Variants in ARHGAP24 observed in about 807,000 individuals in gnomAD.
ARHGAP24 encodes rho GTPase-activating protein 24.
Under a neutral mutation model 76.4 loss-of-function variants are expected in ARHGAP24, and 50 were observed. That is an observed-to-expected ratio of 0.65 (90% CI 0.52 to 0.83). The LOEUF is 0.83. Ranked by LOEUF, ARHGAP24 falls within the 40% of genes least tolerant of loss-of-function variation. The pLI is 0.00. For missense variants in ARHGAP24, 930 were observed against 914.2 expected (o/e 1.02, Z -0.22); for synonymous variants, 345 against 323.3 (o/e 1.07, Z -0.72).
intron 1 of ARHGAP24, among the ~76,000 whole-genome samples, chr4:85,499,973 A>C (rs1309105687): frequency 6.6e-6 from 1 of 152,220 alleles, no homozygotes; most frequent in East Asian, 1.9e-4. Flanking sequence ...TGTAAATTTT[A>C]TGAAGCCTAA....
chr4:85,948,081 T>C (rs768999408), intron 5 of ARHGAP24, among the ~76,000 whole-genome samples: 5 of 152,176 alleles, frequency 3.3e-5, no homozygotes, highest in Non-Finnish European at 7.4e-5. Flanking sequence ...AGGAGCTACA[T>C]CTCTTATTCT....
intron 4 of ARHGAP24, among the ~76,000 whole-genome samples, chr4:85,939,749 T>C (rs1317180557): frequency 6.6e-6 from 1 of 152,200 alleles, no homozygotes; most frequent in Non-Finnish European, 1.5e-5. Context: ...TTTGACTGTT[T>C]TTCATTACCG....
Position 85,538,314 on chromosome 4 carries a change from T to C in ARHGAP24, c.-20-32208T>C, listed in dbSNP as rs574971342. Among the ~76,000 whole-genome samples, 6 of 152,334 alleles carry C rather than the reference T, an allele frequency of 3.9e-5. No individual in the cohort carries two copies. The South Asian group carries it at 1.2e-3, about 32-fold the overall frequency. Reference sequence around the variant, plus strand: ...AAAAGACTCTTAAATGAGCAATGTATTTTGAGTACACCGTAGTTATATGTT... The same window carrying C: ...AAAAGACTCTTAAATGAGCAATGTACTTTGAGTACACCGTAGTTATATGTT... On this transcript the variant is annotated intron_variant, in intron 1 of 9. Transcript: ENST00000395184.
At chr4:85,605,654 G>T (rs1720168614) in intron 2 of ARHGAP24, among the ~76,000 whole-genome samples, 1 of 152,124 alleles carries the variant, frequency 6.6e-6, no homozygotes, top group Non-Finnish European at 1.5e-5. Flanking sequence ...TATACATTAT[G>T]TACAGTAAAC....
chr4:85,996,338 A>G (rs905111944), intron 9 of ARHGAP24, among the ~76,000 whole-genome samples: 1 of 152,222 alleles, frequency 6.6e-6, no homozygotes, highest in African/African-American at 2.4e-5. Context: ...AGGAAAAAAG[A>G]ATATGATTTA....
chr4:85,978,087 A>T (rs1408545509), intron 8 of ARHGAP24, among the ~76,000 whole-genome samples: 1 of 152,240 alleles, frequency 6.6e-6, no homozygotes, highest in African/African-American at 2.4e-5. Context: ...TTAGGGAAAA[A>T]TGGTCTTTTA....
At chr4:85,707,682 T>C (rs1474573937) in intron 2 of ARHGAP24, among the ~76,000 whole-genome samples, 1 of 152,124 alleles carries the variant, frequency 6.6e-6, no homozygotes, top group African/African-American at 2.4e-5. Context: ...TGTGCTATTT[T>C]CTTGAAAAAA....
At chr4:85,861,938 A>G (rs1412016846) in intron 3 of ARHGAP24, among the ~76,000 whole-genome samples, 1 of 152,116 alleles carries the variant, frequency 6.6e-6, no homozygotes. Context: ...AACTTAAGTC[A>G]ACACAATCAT....
chr4:85,728,081 C>T (rs1215683593), intron 3 of ARHGAP24, among the ~76,000 whole-genome samples: 1 of 151,490 alleles, frequency 6.6e-6, no homozygotes, highest in Non-Finnish European at 1.5e-5. Flanking sequence ...TTTCCAATAC[C>T]CTCAGACAAT....
intron 3 of ARHGAP24, among the ~76,000 whole-genome samples, chr4:85,847,804 G>A (rs1427797371): frequency 2.0e-5 from 3 of 152,072 alleles, no homozygotes; most frequent in Non-Finnish European, 4.4e-5. Flanking sequence ...ATTAGGAAGT[G>A]GTGGTATTTG....
intron 1 of ARHGAP24, among the ~76,000 whole-genome samples, chr4:85,502,536 A>G (rs1294295237): frequency 6.6e-6 from 1 of 152,184 alleles, no homozygotes; most frequent in African/African-American, 2.4e-5. Context: ...TTATTGGTGT[A>G]TAGGAATGCT....
intron 1 of ARHGAP24, among the ~76,000 whole-genome samples, chr4:85,521,522 C>T (rs992637422): frequency 6.6e-6 from 1 of 152,256 alleles, no homozygotes; most frequent in African/African-American, 2.4e-5. Flanking sequence ...GTTCTCATTC[C>T]CAAGGCAGCC....
In ARHGAP24 at chr4:85,804,321, A is replaced by G. The variant is rs1313560261; in HGVS notation, c.268+82349A>G. On this transcript the variant is annotated intron_variant, in intron 3 of 9. Transcript: ENST00000395184. The stretch of plus-strand genomic sequence containing the variant: ...CAGTGTTTCTTTGCAGCAGCTCTTC[A>G]TCATCTTTACAACAGGTACTGTACT... 2.0e-5 allele frequency among the ~76,000 whole-genome samples: 3 copies of G among 152,230 alleles called. No homozygotes were observed. The East Asian group carries it at 5.8e-4, about 29-fold the overall frequency.
intron 3 of ARHGAP24, among the ~76,000 whole-genome samples, chr4:85,782,630 G>A (rs1657116058): frequency 6.6e-6 from 1 of 152,184 alleles, no homozygotes. Context: ...GGGAAGAGAA[G>A]ATATTGAGAT....
chr4:85,531,298 A>T (rs1043134352), intron 1 of ARHGAP24, among the ~76,000 whole-genome samples: 36 of 152,090 alleles, frequency 2.4e-4, no homozygotes, highest in African/African-American at 8.4e-4. Flanking sequence ...TGTCCCCAAC[A>T]CTTAGAACAG....
intron 3 of ARHGAP24, among the ~76,000 whole-genome samples, chr4:85,890,936 C>A (rs1227680670): frequency 6.6e-6 from 1 of 152,108 alleles, no homozygotes; most frequent in African/African-American, 2.4e-5. Context: ...GTTCATTTAA[C>A]AAGTGTCTGC....
chr4:85,811,142 G>A (rs1230782021), intron 3 of ARHGAP24, among the ~76,000 whole-genome samples: 1 of 152,184 alleles, frequency 6.6e-6, no homozygotes, highest in Admixed American at 6.5e-5. Flanking sequence ...CTTTTCTAAT[G>A]CAAGAGCCAA....
chr4:85,513,700 G>A (rs1243970214), intron 1 of ARHGAP24, among the ~76,000 whole-genome samples: 2 of 152,164 alleles, frequency 1.3e-5, no homozygotes, highest in African/African-American at 4.8e-5. Flanking sequence ...CTATGGGAAG[G>A]ATTGGCAGGT....
At chr4:85,774,698 C>T (rs1226309340) in intron 3 of ARHGAP24, among the ~76,000 whole-genome samples, 1 of 152,164 alleles carries the variant, frequency 6.6e-6, no homozygotes, top group Non-Finnish European at 1.5e-5. Context: ...TATGTAGATA[C>T]AACTACTTAG....
Sources: allele counts gnomAD v4.1 joint callset (sites outside exome capture counted in the v4.1 genomes callset), GRCh38; gene constraint gnomAD v4.1.1; transcripts MANE v1.5; gene names NCBI Gene and HGNC (gene_info 2026-07-23, HGNC 2026-07-21).